Variants in COL18A1 observed in about 807,000 individuals in gnomAD.
COL18A1 encodes the protein collagen type XVIII alpha 1 chain.
Under a neutral mutation model 168.0 loss-of-function variants are expected in COL18A1, and 133 were observed. That is an observed-to-expected ratio of 0.79 (90% CI 0.69 to 0.91). COL18A1 has a LOEUF of 0.91. COL18A1 is among the 40% of genes least tolerant of loss of function. The pLI is 0.00. For missense variants in COL18A1, 2,126 were observed against 1,925.4 expected (o/e 1.10, Z -1.95); for synonymous variants, 949 against 809.0 (o/e 1.17, Z -2.94).
At chr21:45,435,207 G>T (rs907488192) in intron 2 of COL18A1, among the ~76,000 whole-genome samples, 1 of 146,362 alleles carries the variant, frequency 6.8e-6, no homozygotes, top group Admixed American at 6.8e-5. Flanking sequence ...GTGGGTAGGG[G>T]GTCGATGGGA....
rs376577162 is a variant in COL18A1 at position 45,447,361 on chromosome 21, G to T, written c.107-20881G>T. On this transcript the variant is annotated intron_variant, in intron 2 of 41. Coordinates refer to ENST00000651438, the MANE Select transcript of COL18A1 (RefSeq NM_001379500.1). ...ACCAATAAATGAGCTCAACAAGGTT[G>T]CAGGGTATAAAATCAGTATAGAAAA... 5.3e-5 allele frequency among the ~76,000 whole-genome samples: 8 copies of T among 152,184 alleles called. No individual in the cohort carries two copies. In the East Asian group the frequency reaches 5.8e-4, roughly 11 times the overall value.
intron 2 of COL18A1, among the ~76,000 whole-genome samples, chr21:45,429,421 C>T (rs950698855): frequency 6.6e-6 from 1 of 152,180 alleles, no homozygotes; most frequent in Non-Finnish European, 1.5e-5. Flanking sequence ...GCAGTGCCCA[C>T]AGCAGGAGGA....
At chr21:45,433,543 C>A (rs983061535) in intron 2 of COL18A1, among the ~76,000 whole-genome samples, 4 of 152,194 alleles carry the variant, frequency 2.6e-5, no homozygotes, top group African/African-American at 9.6e-5. Flanking sequence ...CCAGGGCCTG[C>A]AAGGAGGCTC....
At chr21:45,495,870 C>T (rs534505668) in intron 29 of COL18A1, 24 of 319,054 alleles carry the variant, frequency 7.5e-5, no homozygotes, top group African/African-American at 4.5e-4. Context: ...TGCACGTATC[C>T]ACATGTGTAT....
chr21:45,476,747 TGTGTGCA>T (rs1352008966), intron 6 of COL18A1, among the ~76,000 whole-genome samples: 1 of 151,198 alleles, frequency 6.6e-6, no homozygotes, highest in African/African-American at 2.4e-5. Context: ...TGGGCATGTG[TGTGTGCA>T]GTGTGTGGTG....
chr21:45,411,778 A>AGGGGGGGGGGGGGGGGGGGGGG (rs1569273645), intron 2 of COL18A1, among the ~76,000 whole-genome samples: 8 of 108,292 alleles, frequency 7.4e-5, no homozygotes, highest in African/African-American at 1.2e-4. Context: ...GGGGGGGGGC[A>AGGGGGGGGGGGGGGGGGGGGGG]GGCTGTGGTC....
intron 13 of COL18A1, 144 bp downstream of exon 13, chr21:45,481,002 G>T: frequency 7.8e-7 from 1 of 1,289,142 alleles, no homozygotes. Context: ...CTGGCGGGCA[G>T]TTGCTGACTC....
chr21:45,470,393 T>C (rs185439927), intron 3 of COL18A1, among the ~76,000 whole-genome samples: 1 of 152,086 alleles, frequency 6.6e-6, no homozygotes, highest in East Asian at 1.9e-4. Context: ...GCAGATTTTA[T>C]TTCTACCATG....
chr21:45,512,748 C>T lies in COL18A1; in HGVS notation c.*350C>T. On this transcript the variant is annotated 3_prime_UTR_variant, in exon 42 of 42. Transcript: ENST00000651438. ...TTCCTGCTTTGGGAAGCCGTGCTCGCCCCAGCAGGTGCTGACTTCATCTCC... is the reference window on the plus strand; with the variant it reads ...TTCCTGCTTTGGGAAGCCGTGCTCGTCCCAGCAGGTGCTGACTTCATCTCC... 2 of 382,628 alleles carry T rather than the reference C, an allele frequency of 5.2e-6. No individual in the cohort carries two copies. The highest frequency in any genetic ancestry group is 9.9e-6 in the Non-Finnish European group (2 of 202,250). The allele number at this position is 382,628 out of a possible 1,614,324, so 23.7% of individuals were successfully genotyped here. A position where few individuals can be genotyped will look rare whatever the true frequency, so the allele number is the denominator to read the frequency against.
chr21:45,487,634 AC>A, intron 17 of COL18A1, 125 bp downstream of exon 17: 1 of 1,265,318 alleles, frequency 7.9e-7, no homozygotes, highest in African/African-American at 1.5e-5. Flanking sequence ...AGCCGTGAGG[AC>A]CACGTGTGGC....
At chr21:45,512,140 T>TA (rs1341959433) in intron 41 of COL18A1, 48 bp from the exon 42 acceptor site, 1 of 1,572,288 alleles carries the variant, frequency 6.4e-7, no homozygotes, top group East Asian at 2.4e-5. Context: ...GCCTCTGCCC[T>TA]AAGCAGAGCA....
intron 1 of COL18A1, 39 bp from the exon 2 acceptor site, chr21:45,405,340 G>A: frequency 8.8e-7 from 1 of 1,137,842 alleles, no homozygotes; most frequent in Non-Finnish European, 1.1e-6. Context: ...GGGGGTCGCG[G>A]GGGTCCTGCG....
At chr21:45,475,586 C>A in intron 5 of COL18A1, 51 bp downstream of exon 5, 1 of 1,517,238 alleles carries the variant, frequency 6.6e-7, no homozygotes, top group Non-Finnish European at 9.0e-7. Context: ...CGGGAGAGCC[C>A]CTCCCAGCAG....
At chr21:45,441,405 A>T (rs181268291) in intron 2 of COL18A1, among the ~76,000 whole-genome samples, 83 of 152,276 alleles carry the variant, frequency 5.5e-4, no homozygotes, top group Non-Finnish European at 2.8e-4. Context: ...TCCTGTGTTA[A>T]ATCATAAAAC....
chr21:45,469,213 C>T (rs2035324490), intron 3 of COL18A1, among the ~76,000 whole-genome samples: 1 of 152,242 alleles, frequency 6.6e-6, no homozygotes, highest in South Asian at 2.1e-4. Flanking sequence ...GGCTCCCGGC[C>T]TCTGACCGGC....
In COL18A1 at chr21:45,477,752, C is replaced by T. The variant is rs372133935; in HGVS notation, c.1008C>T (p.Gly336=). The T allele has an allele frequency of 1.9e-4, 293 of 1,536,876 alleles. No homozygotes were observed. The highest frequency in any genetic ancestry group is 3.6e-4 in the Admixed American group (18 of 50,594). The change falls in exon 8 of 42, where the codon GGC becomes GGT. Residue 336 remains glycine (G), a splice_region_variant and synonymous_variant. Coordinates refer to ENST00000651438, the MANE Select transcript of COL18A1 (RefSeq NM_001379500.1). ...VRTPGGRVKE[G]GLKGQKGEPG... ...CCCTGTGTTCTGTTTATTCCCAGGG[C>T]GGCCTGAAGGGGCAGAAAGGGGAGC...
chr21:45,439,646 C>T (rs2034314462), intron 2 of COL18A1, among the ~76,000 whole-genome samples: 1 of 152,224 alleles, frequency 6.6e-6, no homozygotes, highest in African/African-American at 2.4e-5. Context: ...GTGCGCGGGG[C>T]CTCCGGGTCT....
intron 2 of COL18A1, among the ~76,000 whole-genome samples, chr21:45,436,154 A>G (rs1340248239): frequency 6.6e-6 from 1 of 152,166 alleles, no homozygotes; most frequent in Non-Finnish European, 1.5e-5. Context: ...AACCCTACCT[A>G]CAGGGCTGCC....
At chr21:45,497,711 C>A (rs887100553) in intron 32 of COL18A1, 50 bp downstream of exon 32, 1 of 1,549,804 alleles carries the variant, frequency 6.5e-7, no homozygotes, top group South Asian at 1.2e-5. Flanking sequence ...GTGGCCAGCA[C>A]TGAAGTGTGG....
Sources: gnomAD v4.1 joint callset for allele counts (sites outside exome capture counted in the v4.1 genomes callset) on GRCh38, gnomAD v4.1.1 for gene constraint, MANE v1.5 for transcripts, NCBI Gene and HGNC (gene_info 2026-07-23, HGNC 2026-07-21) for gene names.